The following CIB1 variants were observed in gnomAD, a reference collection of about 807,000 sequenced individuals.
The protein encoded by CIB1 is calcium and integrin binding 1, also known as calcium and integrin-binding protein 1.
A neutral mutation model predicts 25.0 loss-of-function variants in CIB1; 19 were observed. That is an observed-to-expected ratio of 0.76 (90% CI 0.53 to 1.12). CIB1 has a LOEUF of 1.12. Ranked by LOEUF, CIB1 falls within the 50% of genes most tolerant of loss-of-function variation. The pLI is 0.00. For synonymous variants in CIB1, 104 were observed against 98.5 expected (o/e 1.06, Z -0.33); for missense variants, 236 against 242.6 (o/e 0.97, Z 0.18).
the CIB1 span, chr15:90,263,370 A>G: frequency 1.9e-6 from 1 of 521,246 alleles, no homozygotes; most frequent in Non-Finnish European, 3.4e-6. Context: ...TTGCAGCTCC[A>G]AACCTTCTCA....
upstream of CIB1, chr15:90,234,167 G>A (rs1042303321): frequency 3.8e-5 from 7 of 185,848 alleles, no homozygotes; most frequent in African/African-American, 5.7e-4. Flanking sequence ...TCCGGGGTGG[G>A]AGGGGGGGGC....
the CIB1 span, chr15:90,241,527 A>G: frequency 1.2e-6 from 2 of 1,613,502 alleles, no homozygotes; most frequent in African/African-American, 1.3e-5. Flanking sequence ...CGGCTTCAAC[A>G]GCCTGGGAGG....
the CIB1 span, chr15:90,259,194 C>T: frequency 4.2e-6 from 2 of 480,084 alleles, no homozygotes; most frequent in Non-Finnish European, 6.9e-6. Flanking sequence ...AGACTCTGTC[C>T]CTAAAACACA....
At chr15:90,253,350 G>T in the CIB1 span, 1 of 1,612,812 alleles carries the variant, frequency 6.2e-7, no homozygotes, top group Non-Finnish European at 8.5e-7. Flanking sequence ...ACGAGTCATG[G>T]ACATGAAGAG....
chr15:90,260,679 C>T, the CIB1 span, among the ~76,000 whole-genome samples: 1 of 151,624 alleles, frequency 6.6e-6, no homozygotes, highest in Non-Finnish European at 1.5e-5. Flanking sequence ...GGTGAAACCC[C>T]ATCTCTACTA....
chr15:90,238,857 T>C (rs1962688829), upstream of CIB1, among the ~76,000 whole-genome samples: 1 of 152,154 alleles, frequency 6.6e-6, no homozygotes, highest in Admixed American at 6.6e-5. Context: ...AGTTTGATGG[T>C]GTGTATAAAA....
chr15:90,252,387 C>T, the CIB1 span, among the ~76,000 whole-genome samples: 1 of 151,862 alleles, frequency 6.6e-6, no homozygotes, highest in Non-Finnish European at 1.5e-5. Flanking sequence ...TGCTATGTTG[C>T]CCAGGCTGGT....
chr15:90,247,725 A>T, the CIB1 span, among the ~76,000 whole-genome samples: 2 of 146,052 alleles, frequency 1.4e-5, no homozygotes, highest in East Asian at 4.5e-4. Flanking sequence ...TAATTCCATC[A>T]AAGATTTTTT....
At chr15:90,233,428 A>C (rs1962551556) in intron 2 of CIB1, among the ~76,000 whole-genome samples, 1 of 152,236 alleles carries the variant, frequency 6.6e-6, no homozygotes, top group Non-Finnish European at 1.5e-5. Flanking sequence ...GCCCAGGGTC[A>C]AAGAGCGCCT....
the CIB1 span, chr15:90,259,042 A>G: frequency 1.3e-3 from 2,056 of 1,563,284 alleles, 34 homozygotes; most frequent in African/African-American, 0.025. Context: ...AACTTTTTGC[A>G]TAGATAATAT....
the CIB1 span, chr15:90,261,971 C>T: frequency 2.7e-6 from 4 of 1,495,354 alleles, no homozygotes; most frequent in Non-Finnish European, 2.7e-6. Context: ...ATTCCCACAG[C>T]CCTACTCTTG....
upstream of CIB1, among the ~76,000 whole-genome samples, chr15:90,235,147 G>A (rs1179161978): frequency 6.6e-6 from 1 of 152,114 alleles, no homozygotes; most frequent in Non-Finnish European, 1.5e-5. Context: ...CATCCTCAGG[G>A]AAGCCTTTCC....
chr15:90,258,065 G>T, the CIB1 span: 1 of 1,614,194 alleles, frequency 6.2e-7, no homozygotes, highest in Admixed American at 1.7e-5. Flanking sequence ...ACATCTGGCT[G>T]CAAGAGCACA....
the CIB1 span, among the ~76,000 whole-genome samples, chr15:90,252,470 C>G: frequency 6.6e-6 from 1 of 152,144 alleles, no homozygotes; most frequent in Non-Finnish European, 1.5e-5. Flanking sequence ...CAGGAGCCAC[C>G]ATGCCAGACC....
the CIB1 span, chr15:90,243,299 T>A: frequency 3.3e-5 from 5 of 152,248 alleles, no homozygotes; most frequent in Non-Finnish European, 5.9e-5. Flanking sequence ...AACACCAAGT[T>A]GAATGCTCTT....
the CIB1 span, among the ~76,000 whole-genome samples, chr15:90,261,515 G>A: frequency 1.2e-4 from 18 of 151,908 alleles, no homozygotes; most frequent in Admixed American, 9.2e-4. Flanking sequence ...AAATCAGGCC[G>A]AGTACGGTGG....
chr15:90,262,038 T>G, the CIB1 span: 2 of 1,535,742 alleles, frequency 1.3e-6, no homozygotes, highest in Non-Finnish European at 1.7e-6. Flanking sequence ...CATGTGGCAA[T>G]GCTGGACCAG....
chr15:90,232,028 G>A lies in CIB1; in HGVS notation c.195+191C>T, dbSNP rs139402368. Among the ~76,000 whole-genome samples, 13 of 152,322 alleles carry A rather than the reference G, an allele frequency of 8.5e-5. No homozygotes were observed. The East Asian group carries it at 2.3e-3, about 27-fold the overall frequency. ...ATGTTCTAGAATCCCCATTTGAAAA[G>A]CACCATTCTAGATAATTCTGCCAGG... On this transcript the variant is annotated intron_variant, in intron 3 of 6. Coordinates refer to ENST00000328649, the MANE Select transcript of CIB1 (RefSeq NM_006384.4).
the CIB1 span, chr15:90,250,883 C>A: frequency 6.2e-7 from 1 of 1,613,576 alleles, no homozygotes; most frequent in Non-Finnish European, 8.5e-7. Context: ...AAGGCGGAAA[C>A]GCAGGTAACT....
Sources: gnomAD v4.1 joint callset for allele counts (sites outside exome capture counted in the v4.1 genomes callset) on GRCh38, gnomAD v4.1.1 for gene constraint, MANE v1.5 for transcripts, NCBI Gene and HGNC (gene_info 2026-07-23, HGNC 2026-07-21) for gene names.